PDRG1: variants seen among roughly 807,000 people sequenced by gnomAD.
PDRG1 encodes p53 and DNA damage regulated 1.
Under a neutral mutation model 18.4 loss-of-function variants are expected in PDRG1, and 14 were observed. The ratio of observed to expected loss-of-function variants is 0.76; its 90% CI spans 0.50 to 1.19. The LOEUF is 1.19. PDRG1 is among the 50% of genes most tolerant of loss of function. The pLI, the probability that PDRG1 is intolerant of heterozygous loss-of-function variation, is 0.00. For synonymous variants in PDRG1, 65 were observed against 60.9 expected (o/e 1.07, Z -0.31); for missense variants, 177 against 160.1 (o/e 1.11, Z -0.57).
At chr20:31,946,638 G>A (rs1265805905) in intron 3 of PDRG1, 62 bp from the exon 4 acceptor site, 6 of 1,443,414 alleles carry the variant, frequency 4.2e-6, no homozygotes, top group Non-Finnish European at 5.8e-6. Context: ...GATCCCAGTA[G>A]TGGAGAGGCC....
At chr20:31,948,999 G>A in intron 2 of PDRG1, 117 bp from the exon 3 acceptor site, 1 of 856,756 alleles carries the variant, frequency 1.2e-6, no homozygotes, top group Non-Finnish European at 1.8e-6. Flanking sequence ...TGCCCTCTTG[G>A]AGCTTATGTT....
chr20:31,948,308 A>G (rs1304797374), intron 3 of PDRG1, among the ~76,000 whole-genome samples: 2 of 152,214 alleles, frequency 1.3e-5, no homozygotes, highest in Admixed American at 1.3e-4. Flanking sequence ...TACTTCCAAA[A>G]TAGAAGGCAA....
chr20:31,951,021 A>C (rs1369102867), intron 1 of PDRG1, among the ~76,000 whole-genome samples: 1 of 152,234 alleles, frequency 6.6e-6, no homozygotes, highest in African/African-American at 2.4e-5. Context: ...GCCAGCAATT[A>C]AATGACTTAA....
chr20:31,951,382 G>C (rs1036618740), intron 1 of PDRG1, among the ~76,000 whole-genome samples: 6 of 152,064 alleles, frequency 3.9e-5, no homozygotes, highest in Admixed American at 1.3e-4. Flanking sequence ...AGCAGCCAGG[G>C]GGGATCCTTT....
In PDRG1 at chr20:31,951,965, G is replaced by C. The variant is rs201742382; in HGVS notation, c.-4C>G. ...GCTCTGCCTCGGGTGATAGCATAGC[G>C]CCCACCAACTCCGCTTGCGGCTCTC... On this transcript the variant is annotated 5_prime_UTR_variant, in exon 1 of 5. Coordinates refer to ENST00000202017, the MANE Select transcript of PDRG1 (RefSeq NM_030815.3). 2 of 1,560,700 alleles carry C rather than the reference G, an allele frequency of 1.3e-6. No homozygotes were observed. Among genetic ancestry groups the C allele is most frequent in the South Asian group, 1.2e-5 (1 of 84,030 alleles).
rs141799554 is a variant in PDRG1 at position 31,946,087 on chromosome 20, T to C, written c.320-198A>G. Among the ~76,000 whole-genome samples, 26 of 152,238 alleles carry C rather than the reference T, an allele frequency of 1.7e-4. No homozygotes were observed. The East Asian group carries it at 4.8e-3, about 28-fold the overall frequency. ...CACCAAGAGCCTGCAAACGCGTAAC[T>C]CTGCTGCCCAAAGAACCTCAGGTTT... is the stretch of plus-strand genomic sequence containing the variant. On this transcript the variant is annotated intron_variant, in intron 4 of 4. Transcript: ENST00000202017.
chr20:31,951,489 C>T (rs542603556), intron 1 of PDRG1, among the ~76,000 whole-genome samples: 1 of 152,332 alleles, frequency 6.6e-6, no homozygotes, highest in East Asian at 1.9e-4. Flanking sequence ...AGGGCGCCAC[C>T]TTCCCCCACG....
intron 3 of PDRG1, among the ~76,000 whole-genome samples, chr20:31,947,410 T>G (rs2064325860): frequency 6.6e-6 from 1 of 152,204 alleles, no homozygotes; most frequent in Admixed American, 6.5e-5. Context: ...CTAGGTACAG[T>G]GACAAGACGA....
At chr20:31,948,686 C>A (rs2064333501) in intron 3 of PDRG1, 122 bp downstream of exon 3, 2 of 883,604 alleles carry the variant, frequency 2.3e-6, no homozygotes, top group Admixed American at 2.4e-5. Context: ...CCACAGCAGT[C>A]TGAACCCTGT....
In PDRG1 at chr20:31,951,887, C is replaced by T. The variant is rs2064354846; in HGVS notation, c.75G>A (p.Ala25=). 1 of 1,586,728 alleles carries T rather than the reference C, an allele frequency of 6.3e-7. No homozygotes were observed. The highest frequency in any genetic ancestry group is 8.6e-7 in the Non-Finnish European group (1 of 1,168,040). Residue 25 remains alanine (A), a synonymous_variant, in exon 1 of 5, where the codon GCG becomes GCA. Transcript: ENST00000202017. ...AGGGGCCTCTCACCTGCCGCTTGTC[C>T]GCCAGCACCTCCTCGGCGAGCTCCT... is the stretch of plus-strand genomic sequence containing the variant. ...EVEELAEEVL[A]DKRQIVDLDT... is the part of the protein sequence containing the mutation.
chr20:31,945,021 G>C lies in PDRG1; in HGVS notation c.*786C>G, dbSNP rs745680195. The C allele has an allele frequency of 6.6e-6, 1 of 152,176 alleles. No individual in the cohort carries two copies. Among genetic ancestry groups the C allele is most frequent in the Non-Finnish European group, 1.5e-5 (1 of 68,048 alleles). 9.4% of individuals were successfully genotyped at this position (152,176 alleles called of 1,614,324 possible). On this transcript the variant is annotated 3_prime_UTR_variant, in exon 5 of 5. Transcript: ENST00000202017. ...GAACACATAAGAGTTTTGACTTCAC[G>C]GCAGTTCATACTGGGACCTCAGACC...
At chr20:31,949,782 A>G (rs1470119971) in intron 2 of PDRG1, among the ~76,000 whole-genome samples, 1 of 152,022 alleles carries the variant, frequency 6.6e-6, no homozygotes. Context: ...CTTTCAACAA[A>G]ATGTAAACTT....
chr20:31,947,284 T>C (rs1012894509), intron 3 of PDRG1, among the ~76,000 whole-genome samples: 2 of 152,234 alleles, frequency 1.3e-5, no homozygotes, highest in African/African-American at 4.8e-5. Context: ...AAACCCTGAA[T>C]GGCCAAGCCT....
At chr20:31,950,515 T>C in intron 1 of PDRG1, 128 bp from the exon 2 acceptor site, 1 of 692,342 alleles carries the variant, frequency 1.4e-6, no homozygotes, top group Non-Finnish European at 2.5e-6. Flanking sequence ...TAAAATGGAT[T>C]GATGTGTGAA....
intron 1 of PDRG1, among the ~76,000 whole-genome samples, chr20:31,950,954 C>G (rs1472903507): frequency 6.6e-6 from 1 of 152,204 alleles, no homozygotes; most frequent in African/African-American, 2.4e-5. Context: ...TTTCACCTTC[C>G]TATTTACTCC....
chr20:31,949,051 T>G (rs1263684825), intron 2 of PDRG1, among the ~76,000 whole-genome samples, 169 bp from the exon 3 acceptor site: 1 of 152,116 alleles, frequency 6.6e-6, no homozygotes, highest in East Asian at 1.9e-4. Context: ...TGTCAGACCT[T>G]AAGAGTTGTA....
At position 31,948,894 on chromosome 20, in the gene PDRG1, A is replaced by C. The variant is rs2064334824; in HGVS notation, c.164-12T>G. 1.2e-6 allele frequency: 2 copies of C among 1,612,806 alleles called. No individual in the cohort carries two copies. Among genetic ancestry groups the C allele is most frequent in the Admixed American group, 1.7e-5 (1 of 59,778 alleles). ...AACCATCACATCTTCTGAAAGAGCA[A>C]ATAGTAATTCCTTCAACAATTTTTT... On this transcript the variant is annotated splice_polypyrimidine_tract_variant and intron_variant, in intron 2 of 4. Coordinates refer to ENST00000202017, the MANE Select transcript of PDRG1 (RefSeq NM_030815.3).
chr20:31,951,842 G>T (rs1207695794), intron 1 of PDRG1, 33 bp downstream of exon 1: 18 of 1,532,552 alleles, frequency 1.2e-5, no homozygotes, highest in African/African-American at 1.4e-5. Context: ...GGCGCCGGCC[G>T]CCAGGCCCCA....
intron 3 of PDRG1, among the ~76,000 whole-genome samples, chr20:31,947,356 C>A (rs867974744): frequency 1.3e-5 from 2 of 152,180 alleles, no homozygotes; most frequent in African/African-American, 4.8e-5. Context: ...GCTTGTTTAG[C>A]CTATGTTGAT....
Sources: gnomAD v4.1 joint callset for allele counts (sites outside exome capture counted in the v4.1 genomes callset) on GRCh38, gnomAD v4.1.1 for gene constraint, MANE v1.5 for transcripts, NCBI Gene and HGNC (gene_info 2026-07-23, HGNC 2026-07-21) for gene names.